KCNMA1: variants seen among roughly 807,000 people sequenced by gnomAD.
KCNMA1 encodes potassium calcium-activated channel subfamily M alpha 1, also known as Calcium-activated potassium channel subunit alpha-1.
KCNMA1 carries 29 observed loss-of-function variants against 140.0 expected under a neutral mutation model. The ratio of observed to expected loss-of-function variants is 0.21; its 90% confidence interval spans 0.15 to 0.28. KCNMA1 has a LOEUF of 0.28. Among genes scored for constraint, KCNMA1 ranks in the 10% least tolerant of loss-of-function variants. KCNMA1 has a pLI of 1.00. For missense variants in KCNMA1, 880 were observed against 1,602.2 expected (o/e 0.55, Z 7.70); for synonymous variants, 612 against 611.9 (o/e 1.00, Z 0.00).
At chr10:77,404,359 A>G (rs1192983302) in intron 1 of KCNMA1, among the ~76,000 whole-genome samples, 1 of 151,950 alleles carries the variant, frequency 6.6e-6, no homozygotes, top group Non-Finnish European at 1.5e-5. Context: ...GCTCTCTGCA[A>G]CCTCCACCCA....
intron 14 of KCNMA1, among the ~76,000 whole-genome samples, chr10:77,066,308 T>C (rs186704954): frequency 5.3e-5 from 8 of 152,286 alleles, no homozygotes; most frequent in Admixed American, 5.2e-4. Context: ...CTGGGAATAT[T>C]TTGAAACTTG....
chr10:77,082,749 C>T (rs1324259218), intron 12 of KCNMA1, among the ~76,000 whole-genome samples: 2 of 152,216 alleles, frequency 1.3e-5, no homozygotes, highest in Non-Finnish European at 2.9e-5. Flanking sequence ...TCCACCCTCT[C>T]TCTGCAGCCT....
intron 2 of KCNMA1, among the ~76,000 whole-genome samples, chr10:77,402,342 C>T (rs1186610384): frequency 6.6e-6 from 1 of 152,216 alleles, no homozygotes; most frequent in African/African-American, 2.4e-5. Context: ...TCCTGGGTCA[C>T]ACCAGACTGA....
intron 20 of KCNMA1, among the ~76,000 whole-genome samples, chr10:76,968,124 C>T (rs918446173): frequency 6.6e-6 from 1 of 152,064 alleles, no homozygotes; most frequent in Non-Finnish European, 1.5e-5. Context: ...CTTTCTATTG[C>T]ACATAAAATG....
chr10:76,934,816 C>T (rs2152744079), intron 23 of KCNMA1, among the ~76,000 whole-genome samples: 1 of 152,284 alleles, frequency 6.6e-6, no homozygotes, highest in South Asian at 2.1e-4. Flanking sequence ...TTCTCTGGAC[C>T]ATTTTCTGAG....
rs574072340 is a variant in KCNMA1, at chr10:76,993,634, G to A, written c.2266+7773C>T. On this transcript the variant is annotated intron_variant, in intron 19 of 27. Transcript: ENST00000286628. ...CCCTCTGTTTGTCTCCTCCCCGAGA[G>A]GGGGGCTTCCAGCTCCCCTCTAGTC... Among the ~76,000 whole-genome samples, 107 of 152,302 alleles carry A rather than the reference G, an allele frequency of 7.0e-4. 1 individual carries two copies. The South Asian group carries it at 0.021, about 30-fold the overall frequency.
intron 3 of KCNMA1, among the ~76,000 whole-genome samples, chr10:77,223,661 A>T (rs911100880): frequency 6.6e-6 from 1 of 152,114 alleles, no homozygotes; most frequent in African/African-American, 2.4e-5. Context: ...GCCCTCTCTG[A>T]TTGGCATGCC....
intron 23 of KCNMA1, among the ~76,000 whole-genome samples, chr10:76,932,059 T>C (rs1295800842): frequency 1.3e-5 from 2 of 152,214 alleles, no homozygotes; most frequent in Non-Finnish European, 2.9e-5. Context: ...TAGGAAGTGC[T>C]TTAACAGCCA....
chr10:76,936,919 G>C lies in KCNMA1; in HGVS notation c.2902+7854C>G, dbSNP rs535653839. Reference sequence around the variant, plus strand: ...TGAATGCTTCCACTAAAAGACTCATGACCCCAATCCTGACAAACACCATAG... The same window carrying C: ...TGAATGCTTCCACTAAAAGACTCATCACCCCAATCCTGACAAACACCATAG... On this transcript the variant is annotated intron_variant, in intron 23 of 27. Coordinates refer to ENST00000286628, the MANE Select transcript of KCNMA1 (RefSeq NM_001161352.2). 1.8e-4 allele frequency among the ~76,000 whole-genome samples: 27 copies of C among 152,294 alleles called. 1 individual carries two copies. In the East Asian group the frequency reaches 4.8e-3, roughly 27 times the overall value.
rs777859976 is a variant in KCNMA1 at position 77,027,828 on chromosome 10, C to T, written c.1923G>A (p.Glu641=). The change falls in exon 16 of 28, where the codon GAG becomes GAA. Residue 641 remains glutamate, a synonymous_variant. Coordinates refer to ENST00000286628, the MANE Select transcript of KCNMA1 (RefSeq NM_001161352.2). The part of the protein sequence containing the change: ...IAIEYKSANR[E]SRILINPGNH... Reference sequence around the variant, plus strand: ...CTGGGTCACCGCAAACTTACCGGCTCTCTCGGTTGGCAGACTTGTACTCAA... The same window carrying T: ...CTGGGTCACCGCAAACTTACCGGCTTTCTCGGTTGGCAGACTTGTACTCAA... 1.9e-6 allele frequency: 3 copies of T among 1,613,938 alleles called. No homozygotes were observed. The East Asian group carries it at 6.7e-5, about 36-fold the overall frequency.
intron 23 of KCNMA1, among the ~76,000 whole-genome samples, chr10:76,941,014 G>GAAAGAAAGAAAGA (rs1565057589): frequency 2.8e-4 from 8 of 28,112 alleles, no homozygotes; most frequent in African/African-American, 1.1e-3. Flanking sequence ...AGGAAGGAAG[G>GAAAGAAAGAAAGA]AAGGAAGAAA....
chr10:76,961,036 G>C (rs1337007678), intron 20 of KCNMA1, among the ~76,000 whole-genome samples: 3 of 151,680 alleles, frequency 2.0e-5, no homozygotes, highest in Non-Finnish European at 4.4e-5. Flanking sequence ...GGGTAATTTT[G>C]ACTTTCAAGA....
At chr10:77,117,236 C>T (rs1210872547) in intron 6 of KCNMA1, among the ~76,000 whole-genome samples, 1 of 151,922 alleles carries the variant, frequency 6.6e-6, no homozygotes, top group African/African-American at 2.4e-5. Flanking sequence ...CAATGTTTAC[C>T]ATGAACATAT....
Position 77,025,240 on chromosome 10 carries a change from G to GTGTA in KCNMA1, c.1928+2579_1928+2582dup, listed in dbSNP as rs1555136564. Among the ~76,000 whole-genome samples, 298 of 65,372 alleles carry GTGTA rather than the reference G, an allele frequency of 4.6e-3. 7 individuals are homozygous for GTGTA. The highest frequency in any genetic ancestry group is 0.016 in the African/African-American group (290 of 18,500). 42.9% of individuals were successfully genotyped at this position (65,372 alleles called of 152,430 possible). On this transcript the variant is annotated intron_variant, in intron 16 of 27. Coordinates refer to ENST00000286628, the MANE Select transcript of KCNMA1 (RefSeq NM_001161352.2). ...GTACTCTAGTTGGAGAGGGGTGTGT[G>GTGTA]TGTATATATATATATATATATATAT...
At chr10:77,217,279 T>C (rs2048096770) in intron 3 of KCNMA1, among the ~76,000 whole-genome samples, 1 of 150,166 alleles carries the variant, frequency 6.7e-6, no homozygotes, top group African/African-American at 2.5e-5. Context: ...CACTCCAACC[T>C]GGGTGACTCT....
intron 18 of KCNMA1, among the ~76,000 whole-genome samples, chr10:77,007,675 A>ATATATATATATATATG (rs1401952250): frequency 6.9e-6 from 1 of 144,350 alleles, no homozygotes; most frequent in Non-Finnish European, 1.5e-5. Flanking sequence ...ATATATATAT[A>ATATATATATATATATG]TGTATCACAA....
At chr10:77,608,654 AC>A (rs1045801747) in intron 1 of KCNMA1, among the ~76,000 whole-genome samples, 9 of 152,208 alleles carry the variant, frequency 5.9e-5, no homozygotes, top group African/African-American at 2.2e-4. Flanking sequence ...AATTGCTCAG[AC>A]CTCTGAGGGC....
chr10:77,633,437 C>T (rs2093422868), intron 1 of KCNMA1, among the ~76,000 whole-genome samples: 2 of 152,166 alleles, frequency 1.3e-5, no homozygotes, highest in African/African-American at 2.4e-5. Context: ...CCTCCAAGGC[C>T]ACCCCAAGTG....
Position 77,035,285 on chromosome 10 carries a change from G to A in KCNMA1, c.1859+4243C>T, listed in dbSNP as rs150958450. 4.4e-4 allele frequency among the ~76,000 whole-genome samples: 67 copies of A among 152,094 alleles called. 1 individual carries two copies. In the East Asian group the frequency reaches 7.7e-3, roughly 18 times the overall value. ...ATCCCCCATCTGAATCAAAACTCCC[G>A]ACAAGACACAGCTCAAATGTCATCT... On this transcript the variant is annotated intron_variant, in intron 15 of 27. Coordinates refer to ENST00000286628, the MANE Select transcript of KCNMA1 (RefSeq NM_001161352.2).
Sources: allele counts gnomAD v4.1 joint callset (sites outside exome capture counted in the v4.1 genomes callset), GRCh38; gene constraint gnomAD v4.1.1; transcripts MANE v1.5; gene names NCBI Gene and HGNC (gene_info 2026-07-23, HGNC 2026-07-21).